The following TUSC3 variants were observed in gnomAD, a reference collection of about 807,000 sequenced individuals.
TUSC3 encodes dolichyl-diphosphooligosaccharide--protein glycosyltransferase subunit TUSC3.
In TUSC3, 45 loss-of-function variants were observed where a neutral mutation model predicts 44.8. That is an observed-to-expected ratio of 1.00 (90% CI 0.79 to 1.29). The LOEUF (loss-of-function observed/expected upper bound fraction) is 1.29. TUSC3 is among the 50% of genes most tolerant of loss of function. The pLI is 0.00. For missense variants in TUSC3, 519 were observed against 437.9 expected (o/e 1.19, Z -1.65); for synonymous variants, 212 against 152.9 (o/e 1.39, Z -2.85).
intron 2 of TUSC3, among the ~76,000 whole-genome samples, chr8:15,527,847 G>A (rs1012665381): frequency 1.1e-4 from 16 of 152,034 alleles, no homozygotes; most frequent in South Asian, 2.1e-4. Context: ...TAAACATTCC[G>A]TATACATTCT....
At chr8:15,782,835 T>C in the TUSC3 span, among the ~76,000 whole-genome samples, 1 of 152,210 alleles carries the variant, frequency 6.6e-6, no homozygotes, top group Non-Finnish European at 1.5e-5. Flanking sequence ...AGATGTCTAC[T>C]CTCACCACGT....
At chr8:15,659,718 C>A in intron 4 of TUSC3, 71 bp downstream of exon 4, 1 of 1,573,440 alleles carries the variant, frequency 6.4e-7, no homozygotes, top group African/African-American at 1.3e-5. Context: ...TTTAATAAGG[C>A]CACAGTAATA....
intron 1 of TUSC3, among the ~76,000 whole-genome samples, chr8:15,553,739 G>A (rs954174761): frequency 1.3e-5 from 2 of 151,746 alleles, no homozygotes; most frequent in Non-Finnish European, 2.9e-5. Context: ...AATTTGCTGT[G>A]AATGGGAAGA....
chr8:15,541,907 T>C (rs1401323492), intron 1 of TUSC3, among the ~76,000 whole-genome samples: 1 of 151,588 alleles, frequency 6.6e-6, no homozygotes, highest in South Asian at 2.1e-4. Flanking sequence ...ATGGAAATTG[T>C]GATGTTTTAT....
At chr8:15,524,761 G>A (rs892568654) in intron 2 of TUSC3, among the ~76,000 whole-genome samples, 2 of 152,118 alleles carry the variant, frequency 1.3e-5, no homozygotes, top group Admixed American at 6.5e-5. Context: ...TCTCATGAGC[G>A]CATAGTGAAG....
intron 6 of TUSC3, chr8:15,689,204 T>C: frequency 2.7e-6 from 1 of 365,620 alleles, no homozygotes; most frequent in African/African-American, 2.2e-5. Context: ...CTGCTAAGCA[T>C]TCCATTTTCT....
At chr8:15,436,263 T>G (rs1337690939) in intron 1 of TUSC3, among the ~76,000 whole-genome samples, 2 of 152,162 alleles carry the variant, frequency 1.3e-5, no homozygotes, top group Non-Finnish European at 2.9e-5. Flanking sequence ...TGGTATTGGT[T>G]TTGACGGTTA....
chr8:15,555,830 C>T (rs1158594575), intron 1 of TUSC3, among the ~76,000 whole-genome samples: 1 of 151,248 alleles, frequency 6.6e-6, no homozygotes, highest in Non-Finnish European at 1.5e-5. Flanking sequence ...AGGTAAATTT[C>T]TTACGGACTC....
intron 1 of TUSC3, among the ~76,000 whole-genome samples, chr8:15,549,575 T>A (rs1042889860): frequency 5.3e-5 from 8 of 151,716 alleles, no homozygotes; most frequent in African/African-American, 1.9e-4. Context: ...TAACTTTTAT[T>A]TTTAGAATAT....
the TUSC3 span, among the ~76,000 whole-genome samples, chr8:15,849,641 A>C: frequency 6.6e-6 from 1 of 152,088 alleles, no homozygotes; most frequent in Non-Finnish European, 1.5e-5. Flanking sequence ...CCTCCCTCTC[A>C]CACTAGCAAA....
intron 1 of TUSC3, among the ~76,000 whole-genome samples, chr8:15,588,977 G>T (rs1181695876): frequency 6.6e-6 from 1 of 152,136 alleles, no homozygotes; most frequent in Admixed American, 6.6e-5. Flanking sequence ...ATTGTTTGAA[G>T]TTGGGTAATG....
the TUSC3 span, among the ~76,000 whole-genome samples, chr8:15,786,863 G>C: frequency 1.4e-5 from 2 of 144,718 alleles, no homozygotes; most frequent in Admixed American, 7.2e-5. Context: ...AAAATGGCGT[G>C]AACCCAGGAG....
intron 6 of TUSC3, among the ~76,000 whole-genome samples, chr8:15,690,277 C>A (rs1196768644): frequency 2.0e-5 from 3 of 151,480 alleles, no homozygotes; most frequent in African/African-American, 7.3e-5. Flanking sequence ...TTGAGCATTT[C>A]TTCTTATGCT....
At chr8:15,746,337 TTGTG>T (rs930977231) in intron 8 of TUSC3, among the ~76,000 whole-genome samples, 15 of 152,210 alleles carry the variant, frequency 9.9e-5, no homozygotes, top group South Asian at 2.1e-4. Flanking sequence ...GTGTATGTGC[TTGTG>T]TGTGTATGAA....
intron 4 of TUSC3, 100 bp from the exon 5 acceptor site, chr8:15,662,056 T>G (rs1807447781): frequency 7.4e-7 from 1 of 1,358,430 alleles, no homozygotes; most frequent in African/African-American, 1.4e-5. Flanking sequence ...GGTGGCATGT[T>G]TCTGAGTTCT....
chr8:15,738,721 A>T (rs73665492), intron 7 of TUSC3, among the ~76,000 whole-genome samples: 1,889 of 151,638 alleles, frequency 0.012, 40 homozygotes, highest in African/African-American at 0.043. Flanking sequence ...ATTTCTTTGC[A>T]TTTGTTTTAA....
At chr8:15,467,040 A>G in intron 1 of TUSC3, among the ~76,000 whole-genome samples, 1 of 152,110 alleles carries the variant, frequency 6.6e-6, no homozygotes, top group South Asian at 2.1e-4. Context: ...GCATATAGCT[A>G]AGGACAAATC....
At chr8:15,422,175 C>A (rs571722843) in intron 1 of TUSC3, among the ~76,000 whole-genome samples, 1 of 152,238 alleles carries the variant, frequency 6.6e-6, no homozygotes, top group Non-Finnish European at 1.5e-5. Context: ...TTTACAGATA[C>A]TATGGTTTTT....
At chr8:15,701,129 G>T (rs776657769) in intron 6 of TUSC3, among the ~76,000 whole-genome samples, 1 of 152,046 alleles carries the variant, frequency 6.6e-6, no homozygotes, top group African/African-American at 2.4e-5. Flanking sequence ...TGTTACAGAA[G>T]TAAAATGTAC....
Sources: allele counts gnomAD v4.1 joint callset (sites outside exome capture counted in the v4.1 genomes callset), GRCh38; gene constraint gnomAD v4.1.1; transcripts MANE v1.5; gene names NCBI Gene and HGNC (gene_info 2026-07-23, HGNC 2026-07-21).